Variants in CROCC observed in about 807,000 individuals in gnomAD.
CROCC encodes rootletin.
CROCC carries 180 observed loss-of-function variants against 245.2 expected under a neutral mutation model. That is an observed-to-expected ratio of 0.73 (90% CI 0.65 to 0.83). The LOEUF (loss-of-function observed/expected upper bound fraction) is 0.83. Among genes scored for constraint, CROCC ranks in the 40% least tolerant of loss-of-function variants. The probability of loss-of-function intolerance (pLI) is 0.00; values close to 1 mark genes in which losing one functional copy is unlikely to be tolerated. For missense variants in CROCC, 2,688 were observed against 2,779.4 expected, an observed-to-expected ratio of 0.97 and a Z score of 0.74; for synonymous variants, 1,205 against 1,241.6, an observed-to-expected ratio of 0.97 and a Z score of 0.62.
intron 35 of CROCC, chr1:16,971,065 G>A (rs1337070769): frequency 9.0e-6 from 4 of 445,400 alleles, no homozygotes; most frequent in Non-Finnish European, 1.6e-5. Flanking sequence ...TGCATGGTGT[G>A]GCGTGTCTAG....
chr1:16,960,304 AAAAC>A (rs1331855675), intron 26 of CROCC, among the ~76,000 whole-genome samples: 5 of 152,108 alleles, frequency 3.3e-5, no homozygotes, highest in Non-Finnish European at 7.4e-5. Context: ...AACAACAAAA[AAAAC>A]AGCCTTTGGA....
intron 16 of CROCC, 63 bp from the exon 17 acceptor site, chr1:16,946,698 G>A (rs1448755807): frequency 2.7e-6 from 4 of 1,481,872 alleles, no homozygotes; most frequent in Non-Finnish European, 3.7e-6. Flanking sequence ...GTGGGTGGAG[G>A]AGGCGTCCTG....
intron 17 of CROCC, among the ~76,000 whole-genome samples, chr1:16,947,468 C>CAATAATAATAATAATAATAAT (rs71006403): frequency 1.2e-4 from 17 of 147,480 alleles, no homozygotes; most frequent in South Asian, 4.4e-4. Context: ...GACTCCGTCT[C>CAATAATAATAATAATAATAAT]AATAATAATA....
chr1:16,928,457 C>A (rs1447870216), intron 3 of CROCC, among the ~76,000 whole-genome samples: 7 of 151,764 alleles, frequency 4.6e-5, no homozygotes, highest in East Asian at 1.9e-4. Flanking sequence ...GGAAGGGCAG[C>A]AGCAACAGAG....
chr1:16,971,701 A>T, intron 36 of CROCC, 54 bp downstream of exon 36: 1 of 1,411,654 alleles, frequency 7.1e-7, no homozygotes, highest in Non-Finnish European at 9.3e-7. Flanking sequence ...GGGCTGCAGA[A>T]AGAGGAGAGA....
At chr1:16,942,610 A>T (rs1260776367) in intron 13 of CROCC, among the ~76,000 whole-genome samples, 1 of 152,250 alleles carries the variant, frequency 6.6e-6, no homozygotes, top group Non-Finnish European at 1.5e-5. Flanking sequence ...AACTCATGCA[A>T]TTCGGAACTC....
chr1:16,921,086 T>A (rs2075393542), upstream of CROCC, among the ~76,000 whole-genome samples: 1 of 152,278 alleles, frequency 6.6e-6, no homozygotes, highest in African/African-American at 2.4e-5. Context: ...AAATGAGTAT[T>A]TCTTGAGTGT....
chr1:16,968,476 G>A, intron 31 of CROCC, 58 bp downstream of exon 31: 1 of 1,428,026 alleles, frequency 7.0e-7, no homozygotes, highest in Non-Finnish European at 9.2e-7. Context: ...CAAGAGCTTT[G>A]TAGGCACTAC....
chr1:16,955,451 G>A lies in CROCC; in HGVS notation c.3605G>A (p.Arg1202Gln), dbSNP rs754137406. ...CAGCGCCAGGAGGCAGGCGAGCTGC[G>A]ACGCAGCCTGGGCGAGGGTGCCAAG... ...EVQRQEAGELRRSLGEGAKER... is the reference protein window; with the variant it reads ...EVQRQEAGELQRSLGEGAKER... Residue 1202 changes from arginine to glutamine, a missense_variant, in exon 24 of 37, where the codon CGA (arginine) becomes CAA (glutamine). Physicochemically the swap from Arg to Gln is conservative, Grantham distance 43 (BLOSUM62 1). Coordinates refer to ENST00000375541, the MANE Select transcript of CROCC (RefSeq NM_014675.5). 18 of 1,593,774 alleles carry A rather than the reference G, an allele frequency of 1.1e-5. No homozygotes were observed. Among genetic ancestry groups the A allele is most frequent in the Admixed American group, 3.5e-5 (2 of 57,362 alleles).
rs1489106944 is a variant in CROCC at position 16,955,558 on chromosome 1, G to A, written c.3704+8G>A. On this transcript the variant is annotated splice_region_variant and intron_variant, in intron 24 of 36. Coordinates refer to ENST00000375541, the MANE Select transcript of CROCC (RefSeq NM_014675.5). ...AGAGAGCGAGCGCATCAGGTGGGGT[G>A]TCGCAGGAGGACCAGTCCTGAGTCC... 1.3e-6 allele frequency: 2 copies of A among 1,518,462 alleles called. No individual in the cohort carries two copies. Among genetic ancestry groups the A allele is most frequent in the South Asian group, 2.6e-5 (2 of 77,176 alleles). The allele number at this position is 1,518,462 out of a possible 1,614,324, so 94.1% of individuals were successfully genotyped here. A position where few individuals can be genotyped will look rare whatever the true frequency, so the allele number is the denominator to read the frequency against.
At chr1:16,928,091 A>G (rs2075577213) in intron 3 of CROCC, among the ~76,000 whole-genome samples, 1 of 152,294 alleles carries the variant, frequency 6.6e-6, no homozygotes, top group South Asian at 2.1e-4. Context: ...GGGTGAGAGC[A>G]GCTGCCCTCC....
intron 1 of CROCC, among the ~76,000 whole-genome samples, chr1:16,914,259 C>G (rs1460127308): frequency 1.3e-5 from 2 of 152,132 alleles, no homozygotes; most frequent in Admixed American, 1.3e-4. Context: ...GTGTGTTCCG[C>G]GACTGCCGCG....
chr1:16,943,960 G>A (rs1424258960), intron 13 of CROCC, 140 bp from the exon 14 acceptor site: 5 of 822,980 alleles, frequency 6.1e-6, no homozygotes, highest in African/African-American at 3.4e-5. Flanking sequence ...CCATGGACAG[G>A]GTGGTCAGGG....
chr1:16,954,511 G>A lies in CROCC; in HGVS notation c.3321+154G>A. 2 of 1,230,834 alleles carry A rather than the reference G, an allele frequency of 1.6e-6. No homozygotes were observed. The highest frequency in any genetic ancestry group is 2.2e-6 in the Non-Finnish European group (2 of 901,198). The allele number at this position is 1,230,834 out of a possible 1,614,324, so 76.2% of individuals were successfully genotyped here. ...CCTTCTTTTGGGAGCCCCCATCTGAGGGAGGTGGCTCAGCCCTGCCCTGAT... is the reference window on the plus strand; with the variant it reads ...CCTTCTTTTGGGAGCCCCCATCTGAAGGAGGTGGCTCAGCCCTGCCCTGAT... On this transcript the variant is annotated intron_variant, in intron 22 of 36. Transcript: ENST00000375541. This position sits in a 1 kb window ranked among gnomAD's most constrained non-coding sequence, Gnocchi z 4.4.
At position 16,971,887 on chromosome 1, in the gene CROCC, C is replaced by T. The variant is rs558470802; in HGVS notation, c.5967+240C>T. On this transcript the variant is annotated intron_variant, in intron 36 of 36. Transcript: ENST00000375541. ...GCTCCATGCTCAGGGTAGCCTTCTCCCTGGGTGGCCAGGTGGCCTCAGCAG... is the reference window on the plus strand; with the variant it reads ...GCTCCATGCTCAGGGTAGCCTTCTCTCTGGGTGGCCAGGTGGCCTCAGCAG... 1.9e-4 allele frequency among the ~76,000 whole-genome samples: 29 copies of T among 152,300 alleles called. 1 individual carries two copies. In the South Asian group the frequency reaches 3.1e-3, roughly 16 times the overall value.
intron 25 of CROCC, 133 bp from the exon 26 acceptor site, chr1:16,958,449 GC>G: frequency 9.1e-7 from 1 of 1,094,074 alleles, no homozygotes; most frequent in Admixed American, 2.7e-5. Flanking sequence ...TTGTGTAGGG[GC>G]CGGCTCCCAG....
chr1:16,940,846 C>T (rs546500986), intron 13 of CROCC: 12 of 398,660 alleles, frequency 3.0e-5, no homozygotes, highest in Non-Finnish European at 5.5e-5. Flanking sequence ...CCCACCTCTA[C>T]CTCCCAACTG....
rs1406603914 is a variant in CROCC, at chr1:16,953,598, G to A, written c.3186+117G>A. On this transcript the variant is annotated intron_variant, in intron 21 of 36. Coordinates refer to ENST00000375541, the MANE Select transcript of CROCC (RefSeq NM_014675.5). ...TGGGGCAGGCCACTGCCCTCTTGGG[G>A]GCCTCAGTTTCCTTACCTGCAGGAG... The A allele has an allele frequency of 3.0e-6, 3 of 997,008 alleles. No individual in the cohort carries two copies. In the African/African-American group the frequency reaches 5.0e-5, roughly 17 times the overall value. 61.8% of individuals were successfully genotyped at this position (997,008 alleles called of 1,614,324 possible). A position where few individuals can be genotyped will look rare whatever the true frequency, so the allele number is the denominator to read the frequency against.
chr1:16,971,073 T>A (rs1441532182), intron 35 of CROCC: 4 of 443,410 alleles, frequency 9.0e-6, no homozygotes, highest in Non-Finnish European at 1.6e-5. Flanking sequence ...GTGGCGTGTC[T>A]AGGTATTATG....
Sources: allele counts gnomAD v4.1 joint callset (sites outside exome capture counted in the v4.1 genomes callset), GRCh38; gene constraint gnomAD v4.1.1; non-coding constraint Gnocchi (gnomAD v3.1); transcripts MANE v1.5; gene names NCBI Gene and HGNC (gene_info 2026-07-23, HGNC 2026-07-21).